Variants in ZNF619 observed in about 807,000 individuals in gnomAD.
ZNF619 encodes the protein zinc finger protein 619.
In ZNF619, 9 loss-of-function variants were observed where a neutral mutation model predicts 14.2. The ratio of observed to expected loss-of-function variants is 0.64; its 90% CI spans 0.38 to 1.11. The LOEUF (loss-of-function observed/expected upper bound fraction) is 1.11. Ranked by LOEUF, ZNF619 falls within the 50% of genes least tolerant of loss-of-function variation. The pLI is 0.01. For missense variants in ZNF619, 659 were observed against 680.1 expected, an observed-to-expected ratio of 0.97 and a Z score of 0.34; for synonymous variants, 246 against 252.8, an observed-to-expected ratio of 0.97 and a Z score of 0.26.
At chr3:40,479,882 G>A (rs1697327675) in intron 2 of ZNF619, among the ~76,000 whole-genome samples, 1 of 152,110 alleles carries the variant, frequency 6.6e-6, no homozygotes, top group African/African-American at 2.4e-5. Context: ...GGACAGAATT[G>A]CCCCCATGTT....
chr3:40,483,491 G>C (rs377665427), intron 4 of ZNF619, among the ~76,000 whole-genome samples: 1 of 152,012 alleles, frequency 6.6e-6, no homozygotes, highest in African/African-American at 2.4e-5. Context: ...GGGTTTCACT[G>C]TGCTGGCCAG....
chr3:40,485,673 G>GTA (rs34936307), intron 4 of ZNF619, among the ~76,000 whole-genome samples: 4 of 151,958 alleles, frequency 2.6e-5, no homozygotes, highest in African/African-American at 9.7e-5. Flanking sequence ...GTGTGTGTGT[G>GTA]CACATGTCTG....
At position 40,482,236 on chromosome 3, in the gene ZNF619, C is replaced by T. The variant is rs190661380; in HGVS notation, c.178+220C>T. ...TCCCTGGTTCCTAATGGAGACCCAACTGCAGGGGGCTTTCCTCTGGATACA... is the reference window on the plus strand; with the variant it reads ...TCCCTGGTTCCTAATGGAGACCCAATTGCAGGGGGCTTTCCTCTGGATACA... On this transcript the variant is annotated intron_variant, in intron 3 of 4. Coordinates refer to ENST00000432264, the MANE Select transcript of ZNF619 (RefSeq NM_001145093.4). 1.2e-4 allele frequency: 190 copies of T among 1,551,654 alleles called. No homozygotes were observed. Among genetic ancestry groups the T allele is most frequent in the Admixed American group, 4.7e-4 (24 of 50,968 alleles).
rs777693602 is a variant in ZNF619 at position 40,487,769 on chromosome 3, G to T, written c.1259G>T (p.Arg420Ile). The T allele has an allele frequency of 6.2e-7, 1 of 1,614,170 alleles. No homozygotes were observed. The highest frequency in any genetic ancestry group is 8.5e-7 in the Non-Finnish European group (1 of 1,180,036). The change falls in exon 5 of 5, where the codon AGA (arginine) becomes ATA (isoleucine). Residue 420 changes from arginine (R) to isoleucine (I), a missense_variant. Transcript: ENST00000432264. Reference protein sequence around the residue: ...SCSSRFIVHQRIHNGEKPYEC... With the variant: ...SCSSRFIVHQIIHNGEKPYEC... ...AGCTCCCGCTTCATAGTGCATCAGAGAATCCACAATGGGGAGAAACCCTAT... is the reference window on the plus strand; with the variant it reads ...AGCTCCCGCTTCATAGTGCATCAGATAATCCACAATGGGGAGAAACCCTAT...
chr3:40,482,625 G>C lies in ZNF619; in HGVS notation c.216G>C (p.Gln72His), dbSNP rs758027429. 6.2e-7 allele frequency: 1 copy of C among 1,614,138 alleles called. No homozygotes were observed. The highest frequency in any genetic ancestry group is 1.1e-5 in the South Asian group (1 of 91,084). Residue 72 changes from glutamine (Q) to histidine (H), a missense_variant, in exon 4 of 5, where the codon CAG becomes CAC. Transcript: ENST00000432264. The part of the protein sequence containing the change: ...FPFPKPDLIF[Q>H]LEQGEAAWGP... ...TCCCCAAACCAGATCTGATATTCCA[G>C]CTGGAGCAAGGAGAAGCAGCATGGG...
intron 4 of ZNF619, among the ~76,000 whole-genome samples, chr3:40,483,918 G>A (rs963514124): frequency 2.0e-5 from 3 of 152,058 alleles, no homozygotes; most frequent in Admixed American, 1.3e-4. Flanking sequence ...GTGAGCTACT[G>A]CACTTGGCCT....
In ZNF619 at chr3:40,477,963, G is replaced by A; in HGVS notation, c.-17G>A. 1 of 1,554,462 alleles carries A rather than the reference G, an allele frequency of 6.4e-7. No homozygotes were observed. Among genetic ancestry groups the A allele is most frequent in the Non-Finnish European group, 8.7e-7 (1 of 1,148,064 alleles). ...TCAAACCTAGAGGGCAGTGCATGAA[G>A]CCAGGGGTCATCAGCCATGCTCCAG... On this transcript the variant is annotated 5_prime_UTR_variant, in exon 2 of 5. Coordinates refer to ENST00000432264, the MANE Select transcript of ZNF619 (RefSeq NM_001145093.4).
chr3:40,482,061 G>C (rs369709958), intron 3 of ZNF619, 45 bp downstream of exon 3: 1 of 1,562,882 alleles, frequency 6.4e-7, no homozygotes, highest in African/African-American at 1.4e-5. Flanking sequence ...GCCCTTGGGA[G>C]CTCCTAGATT....
In ZNF619 at chr3:40,490,836, A is replaced by G. The variant is rs1388658602; in HGVS notation, c.*2595A>G. ...TAGTAGTTACATTTTTGGGGAGTTA[A>G]AAGTTATACATGGCATGGGGGTTGG... is the stretch of plus-strand genomic sequence containing the variant. On this transcript the variant is annotated 3_prime_UTR_variant, in exon 5 of 5. Transcript: ENST00000432264. Among the ~76,000 whole-genome samples the G allele has an allele frequency of 6.6e-6, 1 of 152,116 alleles. No homozygotes were observed. Among genetic ancestry groups the G allele is most frequent in the Non-Finnish European group, 1.5e-5 (1 of 68,014 alleles).
chr3:40,481,914 GC>G lies in ZNF619; in HGVS notation c.77del (p.Ala26ValfsTer23). ...FQEPVTFEDV[A>X]VYFTQNEWAS... Reference sequence around the variant, plus strand: ...GGAGCCAGTAACCTTTGAGGATGTGGCTGTGTACTTCACCCAGAATGAATGG... The same window carrying G: ...GGAGCCAGTAACCTTTGAGGATGTGGTGTGTACTTCACCCAGAATGAATGG... On this transcript the variant is annotated frameshift_variant, in exon 3 of 5. Transcript: ENST00000432264. LOFTEE classifies it high-confidence loss of function. 2 of 1,613,844 alleles carry G rather than the reference GC, an allele frequency of 1.2e-6. No individual in the cohort carries two copies. Among genetic ancestry groups the G allele is most frequent in the Non-Finnish European group, 1.7e-6 (2 of 1,179,834 alleles).
At chr3:40,480,902 G>A (rs899932081) in intron 2 of ZNF619, among the ~76,000 whole-genome samples, 5 of 152,160 alleles carry the variant, frequency 3.3e-5, no homozygotes, top group African/African-American at 1.2e-4. Flanking sequence ...TACAGTGTGA[G>A]TCAGAGATAG....
Position 40,486,827 on chromosome 3 carries a change from A to G in ZNF619, c.317A>G (p.Asn106Ser), listed in dbSNP as rs936328086. ...MCTGGKTKTE[N>S]EEKTAQLNIS... The stretch of plus-strand genomic sequence containing the variant: ...CTAGGTGGTAAAACCAAGACTGAGA[A>G]TGAGGAAAAAACTGCACAGCTAAAC... Residue 106 changes from asparagine to serine, a missense_variant, in exon 5 of 5, where the codon AAT becomes AGT. Asn to Ser is a conservative substitution (Grantham distance 46). Coordinates refer to ENST00000432264, the MANE Select transcript of ZNF619 (RefSeq NM_001145093.4). 2 of 1,599,878 alleles carry G rather than the reference A, an allele frequency of 1.3e-6. No individual in the cohort carries two copies. The highest frequency in any genetic ancestry group is 4.5e-5 in the East Asian group (2 of 44,784).
In ZNF619 at chr3:40,487,560, G is replaced by A; in HGVS notation, c.1050G>A (p.Gly350=). Residue 350 remains glycine, a synonymous_variant, in exon 5 of 5, where the codon GGG becomes GGA. Transcript: ENST00000432264. ...GEKPYECKEC[G]KSLSSNSVLI... Reference sequence around the variant, plus strand: ...AGCCCTATGAATGTAAGGAGTGTGGGAAGAGTTTGAGTTCTAATTCAGTTC... The same window carrying A: ...AGCCCTATGAATGTAAGGAGTGTGGAAAGAGTTTGAGTTCTAATTCAGTTC... 6.2e-7 allele frequency: 1 copy of A among 1,614,134 alleles called. No individual in the cohort carries two copies. The highest frequency in any genetic ancestry group is 8.5e-7 in the Non-Finnish European group (1 of 1,180,034).
intron 4 of ZNF619, 24 bp from the exon 5 acceptor site, chr3:40,486,782 T>C (rs755983036): frequency 2.6e-6 from 4 of 1,541,114 alleles, no homozygotes; most frequent in Non-Finnish European, 3.5e-6. Flanking sequence ...AAGGGACTTT[T>C]ATGTTTTCTT....
intron 4 of ZNF619, among the ~76,000 whole-genome samples, chr3:40,484,765 C>T (rs1697525163): frequency 6.6e-6 from 1 of 152,054 alleles, no homozygotes; most frequent in Non-Finnish European, 1.5e-5. Flanking sequence ...GGCTAGTGGC[C>T]ACCTTTTGGG....
At position 40,479,882 on chromosome 3, in the gene ZNF619, G is replaced by GC. The variant is rs1179262013; in HGVS notation, c.24+1884dup. On this transcript the variant is annotated intron_variant, in intron 2 of 4. Transcript: ENST00000432264. Reference sequence around the variant, plus strand: ...CACATAGTCTCTGGGGGACAGAATTGCCCCCATGTTGAGAGCCATAGCCTT... The same window carrying GC: ...CACATAGTCTCTGGGGGACAGAATTGCCCCCCATGTTGAGAGCCATAGCCTT... Among the ~76,000 whole-genome samples the GC allele has an allele frequency of 8.5e-5, 13 of 152,228 alleles. No homozygotes were observed. In the East Asian group the frequency reaches 2.5e-3, roughly 29 times the overall value.
intron 2 of ZNF619, among the ~76,000 whole-genome samples, chr3:40,479,125 G>A (rs913601526): frequency 3.3e-5 from 5 of 152,100 alleles, no homozygotes; most frequent in Admixed American, 3.3e-4. Context: ...TGTCTCACCT[G>A]CTCTAGGCCA....
rs968982590 is a variant in ZNF619 at position 40,490,989 on chromosome 3, G to T, written c.*2748G>T. ...ATGACACAGCAAGAAGGCCAGATACGGCCCCTCCACAGTTCCCAGCCCTCG... is the reference window on the plus strand; with the variant it reads ...ATGACACAGCAAGAAGGCCAGATACTGCCCCTCCACAGTTCCCAGCCCTCG... On this transcript the variant is annotated 3_prime_UTR_variant, in exon 5 of 5. Transcript: ENST00000432264. Among the ~76,000 whole-genome samples, 1 of 152,078 alleles carries T rather than the reference G, an allele frequency of 6.6e-6. No homozygotes were observed. Among genetic ancestry groups the T allele is most frequent in the African/African-American group, 2.4e-5 (1 of 41,404 alleles).
intron 4 of ZNF619, among the ~76,000 whole-genome samples, chr3:40,485,649 CTG>C (rs71618940): frequency 4.4e-4 from 65 of 148,486 alleles, no homozygotes; most frequent in East Asian, 1.6e-3. Context: ...TCGGTTTCAG[CTG>C]TGTGTGTGTG....
Sources: allele counts gnomAD v4.1 joint callset (sites outside exome capture counted in the v4.1 genomes callset), GRCh38; gene constraint gnomAD v4.1.1; transcripts MANE v1.5; gene names NCBI Gene and HGNC (gene_info 2026-07-23, HGNC 2026-07-21).